XPO6: variants seen among roughly 807,000 people sequenced by gnomAD.
XPO6 encodes exportin 6.
In XPO6, 3 loss-of-function variants were observed where a neutral mutation model predicts 130.0. That is an observed-to-expected ratio of 0.02 (90% CI 0.01 to 0.06). The LOEUF (loss-of-function observed/expected upper bound fraction) is 0.06, where lower values mean the gene tolerates loss of function less well. XPO6 is among the 10% of genes least tolerant of loss of function. The probability of loss-of-function intolerance (pLI) is 1.00; values close to 1 mark genes in which losing one functional copy is unlikely to be tolerated. For synonymous variants in XPO6, 524 were observed against 548.9 expected, an observed-to-expected ratio of 0.95 and a Z score of 0.63; for missense variants, 970 against 1,393.0, an observed-to-expected ratio of 0.70 and a Z score of 4.83.
intron 14 of XPO6, among the ~76,000 whole-genome samples, chr16:28,120,787 G>A (rs953278968): frequency 5.3e-5 from 8 of 152,152 alleles, no homozygotes; most frequent in Admixed American, 5.2e-4. Context: ...AGCAGGAGTC[G>A]GCAGACCTTT....
At chr16:28,154,186 T>G in intron 7 of XPO6, 1 of 977,306 alleles carries the variant, frequency 1.0e-6, no homozygotes, top group South Asian at 4.7e-5. Flanking sequence ...TAGTTTTACA[T>G]GGATATTCAA....
intron 1 of XPO6, among the ~76,000 whole-genome samples, chr16:28,204,498 A>AC (rs2043998930): frequency 6.6e-6 from 1 of 152,030 alleles, no homozygotes; most frequent in Non-Finnish European, 1.5e-5. Context: ...CAGTAAGAAG[A>AC]CCGAGGGAGC....
At chr16:28,143,464 T>A (rs1009169044) in intron 9 of XPO6, among the ~76,000 whole-genome samples, 1 of 152,204 alleles carries the variant, frequency 6.6e-6, no homozygotes, top group African/African-American at 2.4e-5. Flanking sequence ...GGAAATGTGA[T>A]CAGCATATAA....
intron 20 of XPO6, 147 bp from the exon 21 acceptor site, chr16:28,104,854 A>T: frequency 1.1e-6 from 1 of 903,982 alleles, no homozygotes; most frequent in South Asian, 1.7e-5. Flanking sequence ...CCTGCGCAAA[A>T]GACATCCAGC....
chr16:28,148,628 A>C (rs1266645757), intron 8 of XPO6, among the ~76,000 whole-genome samples: 1 of 152,230 alleles, frequency 6.6e-6, no homozygotes, highest in Non-Finnish European at 1.5e-5. Flanking sequence ...AAGTCTTGGA[A>C]AGTGAACAAA....
chr16:28,138,871 G>A (rs2042831415), intron 9 of XPO6, among the ~76,000 whole-genome samples: 1 of 152,146 alleles, frequency 6.6e-6, no homozygotes, highest in African/African-American at 2.4e-5. Flanking sequence ...GAACAAATAA[G>A]TAAGAGGATT....
intron 1 of XPO6, among the ~76,000 whole-genome samples, chr16:28,203,199 CCAG>C (rs2043978128): frequency 6.6e-6 from 1 of 151,614 alleles, no homozygotes. Context: ...CGCGTGAGCC[CCAG>C]GAGATAGAGG....
intron 5 of XPO6, among the ~76,000 whole-genome samples, chr16:28,167,507 C>G (rs1237007426): frequency 6.6e-6 from 1 of 152,178 alleles, no homozygotes; most frequent in African/African-American, 2.4e-5. Context: ...ATTTCAACAT[C>G]ACCTTTCCAC....
chr16:28,145,561 T>C lies in XPO6; in HGVS notation c.1334+533A>G, dbSNP rs922498293. On this transcript the variant is annotated intron_variant, in intron 9 of 23. Transcript: ENST00000304658. ...TGTTTATCTTCCTTACATTTTCCTA[T>C]ATCTTTTCCTAGATTTAAAAATGAA... Among the ~76,000 whole-genome samples the C allele has an allele frequency of 2.6e-5, 4 of 152,278 alleles. No homozygotes were observed. The South Asian group carries it at 6.2e-4, about 24-fold the overall frequency.
intron 6 of XPO6, 89 bp downstream of exon 6, chr16:28,166,419 C>G: frequency 7.1e-7 from 1 of 1,412,612 alleles, no homozygotes; most frequent in East Asian, 2.5e-5. Flanking sequence ...TCAGCCTCCT[C>G]AGTACTGAGG....
chr16:28,103,675 G>A (rs1317453513), intron 21 of XPO6, among the ~76,000 whole-genome samples: 4 of 152,098 alleles, frequency 2.6e-5, no homozygotes, highest in South Asian at 2.1e-4. Flanking sequence ...CAGGGGAGGC[G>A]CAAACACTTG....
At chr16:28,125,909 A>T (rs2087391054) in intron 12 of XPO6, 61 bp from the exon 13 acceptor site, 1 of 1,562,952 alleles carries the variant, frequency 6.4e-7, no homozygotes, top group Non-Finnish European at 8.7e-7. Context: ...TACTACAGAT[A>T]ACAGCTGGTC....
intron 15 of XPO6, among the ~76,000 whole-genome samples, chr16:28,115,158 T>C (rs1433191743): frequency 1.3e-5 from 2 of 152,252 alleles, no homozygotes; most frequent in East Asian, 3.8e-4. Flanking sequence ...TTTGATCTGC[T>C]TCCATGAATC....
At chr16:28,145,504 G>A (rs929895777) in intron 9 of XPO6, among the ~76,000 whole-genome samples, 2 of 152,136 alleles carry the variant, frequency 1.3e-5, no homozygotes, top group African/African-American at 2.4e-5. Context: ...AACAAAAAGT[G>A]CAAAAGCAAT....
At chr16:28,175,673 C>T (rs1264633437) in intron 4 of XPO6, among the ~76,000 whole-genome samples, 2 of 26,032 alleles carry the variant, frequency 7.7e-5, no homozygotes, top group Admixed American at 4.7e-4. Flanking sequence ...GAACAAACTG[C>T]ACAAGAGGTT....
chr16:28,154,358 T>C, intron 7 of XPO6: 7 of 863,658 alleles, frequency 8.1e-6, no homozygotes, highest in Non-Finnish European at 8.3e-6. Flanking sequence ...ACAAGGCTGT[T>C]CAGTAGCTAA....
In XPO6 at chr16:28,132,349, C is replaced by T; in HGVS notation, c.1591G>A (p.Val531Ile). The change falls in exon 12 of 24, where the codon GTC becomes ATC. Residue 531 changes from valine (V) to isoleucine (I), a missense_variant. Val to Ile is a conservative substitution (Grantham distance 29, BLOSUM62 3). Around this residue, in one of 4 missense-constraint regions of XPO6, gnomAD observed 936 missense variants for 1,306.8 expected, o/e 0.72. Transcript: ENST00000304658. This position sits in a 1 kb window ranked among gnomAD's most constrained non-coding sequence, Gnocchi z 4.0. Reference protein sequence around the residue: ...EVYLGLQQFIVTSGSGHRLNI... With the variant: ...EVYLGLQQFIITSGSGHRLNI... ...ACCAGTTTACCTGACCCTGAAGTGACTATAAACTGTTGTAATCCCAAATAA... is the reference window on the plus strand; with the variant it reads ...ACCAGTTTACCTGACCCTGAAGTGATTATAAACTGTTGTAATCCCAAATAA... The T allele has an allele frequency of 6.2e-7, 1 of 1,608,084 alleles. No individual in the cohort carries two copies. The highest frequency in any genetic ancestry group is 8.5e-7 in the Non-Finnish European group (1 of 1,177,000).
intron 8 of XPO6, among the ~76,000 whole-genome samples, chr16:28,149,058 T>TAAA (rs71389526): frequency 1.9e-5 from 2 of 107,120 alleles, no homozygotes; most frequent in African/African-American, 3.5e-5. Context: ...AAAAAGAAAA[T>TAAA]AAAAAAAAAA....
In XPO6 at chr16:28,104,628, T is replaced by G. The variant is rs2086731379; in HGVS notation, c.2864A>C (p.Lys955Thr). The change falls in exon 21 of 24, where the codon AAG (lysine) becomes ACG (threonine). Residue 955 changes from lysine (K) to threonine (T), a missense_variant. Around this residue, in one of 4 missense-constraint regions of XPO6, gnomAD observed 936 missense variants for 1,306.8 expected, o/e 0.72. Transcript: ENST00000304658. Reference sequence around the variant, plus strand: ...CTGGACACTGGCCAGCACGGTGGACTTGAAGAAGTACCTCCAGTTGTGATG... The same window carrying G: ...CTGGACACTGGCCAGCACGGTGGACGTGAAGAAGTACCTCCAGTTGTGATG... ...TLHHNWRYFFKSTVLASVQRG... is the reference protein window; with the variant it reads ...TLHHNWRYFFTSTVLASVQRG... The G allele has an allele frequency of 3.1e-6, 5 of 1,614,174 alleles. No individual in the cohort carries two copies. The highest frequency in any genetic ancestry group is 4.2e-6 in the Non-Finnish European group (5 of 1,180,038).
Sources: gnomAD v4.1 joint callset for allele counts (sites outside exome capture counted in the v4.1 genomes callset) on GRCh38, gnomAD v4.1.1 for gene constraint, gnomAD v4.1.1 regional missense constraint, Gnocchi (gnomAD v3.1) non-coding constraint, MANE v1.5 for transcripts, NCBI Gene and HGNC (gene_info 2026-07-23, HGNC 2026-07-21) for gene names.